The following C14orf132 variants were observed in gnomAD, a reference collection of about 807,000 sequenced individuals.
C14orf132 encodes uncharacterized protein C14orf132.
A neutral mutation model predicts 5.8 loss-of-function variants in C14orf132; 6 were observed. That is an observed-to-expected ratio of 1.03 (90% CI 0.57 to 2.04). The LOEUF is 2.04. C14orf132 is among the 30% of genes most tolerant of loss of function. C14orf132 has a pLI of 0.00. For synonymous variants in C14orf132, 51 were observed against 49.8 expected, an observed-to-expected ratio of 1.02 and a Z score of -0.10; for missense variants, 125 against 115.8, an observed-to-expected ratio of 1.08 and a Z score of -0.37.
chr14:96,064,361 T>TACACACACACAC (rs755164695), intron 1 of C14orf132, among the ~76,000 whole-genome samples: 3,261 of 97,542 alleles, frequency 0.033, 49 homozygotes, highest in Non-Finnish European at 0.043. Flanking sequence ...AGGGTGCATA[T>TACACACACACAC]ATACACACAC....
In C14orf132 at chr14:96,091,348, G is replaced by T. The variant is rs1342678236; in HGVS notation, c.*4613G>T. 1 of 296,904 alleles carries T rather than the reference G, an allele frequency of 3.4e-6. No homozygotes were observed. The highest frequency in any genetic ancestry group is 2.2e-5 in the African/African-American group (1 of 45,814). The allele number at this position is 296,904 out of a possible 1,614,324, so 18.4% of individuals were successfully genotyped here. On this transcript the variant is annotated 3_prime_UTR_variant, in exon 2 of 2. Coordinates refer to ENST00000555004, the MANE Select transcript of C14orf132 (RefSeq NM_001252507.3). ...GATTTATCAGTTCCAGAACCTCACA[G>T]TGATAAGAGGCTTTAGAGAGCATCT...
rs1363744879 is a variant in C14orf132, at chr14:96,090,016, A to G, written c.*3281A>G. On this transcript the variant is annotated 3_prime_UTR_variant, in exon 2 of 2. Transcript: ENST00000555004. Reference sequence around the variant, plus strand: ...TGCCTGTTACATAGCTGTGCCTCAGAGAAAGGGTCCTGCATTTTCTGGAAT... The same window carrying G: ...TGCCTGTTACATAGCTGTGCCTCAGGGAAAGGGTCCTGCATTTTCTGGAAT... The G allele has an allele frequency of 6.5e-6, 1 of 152,680 alleles. No homozygotes were observed. The highest frequency in any genetic ancestry group is 1.5e-5 in the Non-Finnish European group (1 of 68,502). The allele number at this position is 152,680 out of a possible 1,614,324, so 9.5% of individuals were successfully genotyped here. A position where few individuals can be genotyped will look rare whatever the true frequency, so the allele number is the denominator to read the frequency against.
rs1331700908 is a variant in C14orf132, at chr14:96,039,552, C to T, written c.27+25C>T. On this transcript the variant is annotated intron_variant, in intron 1 of 1. Coordinates refer to ENST00000555004, the MANE Select transcript of C14orf132 (RefSeq NM_001252507.3). The surrounding 1 kb of genome is among the most constrained non-coding windows in gnomAD (Gnocchi z 5.3). ...GGTAACGGGGCGTCCCCCCCACGCG[C>T]CCCGGGCCGCCAAGTTTGGGGAGGT... 6.0e-6 allele frequency: 9 copies of T among 1,496,572 alleles called. No individual in the cohort carries two copies. The East Asian group carries it at 2.4e-4, about 41-fold the overall frequency. 92.7% of individuals were successfully genotyped at this position (1,496,572 alleles called of 1,614,324 possible). A position where few individuals can be genotyped will look rare whatever the true frequency, so the allele number is the denominator to read the frequency against.
chr14:96,049,553 CATATATACGT>C (rs1241928050), intron 1 of C14orf132, among the ~76,000 whole-genome samples: 1 of 126,372 alleles, frequency 7.9e-6, no homozygotes, highest in Admixed American at 8.0e-5. Flanking sequence ...TATATATATA[CATATATACGT>C]ATATATACAT....
At chr14:96,053,694 A>G (rs540750230) in intron 1 of C14orf132, among the ~76,000 whole-genome samples, 34 of 152,282 alleles carry the variant, frequency 2.2e-4, no homozygotes, top group African/African-American at 6.7e-4. Flanking sequence ...TCAGTCTCCA[A>G]TGGCCACCTG....
chr14:96,065,740 C>G (rs1248720322), intron 1 of C14orf132, among the ~76,000 whole-genome samples: 1 of 152,066 alleles, frequency 6.6e-6, no homozygotes, highest in Non-Finnish European at 1.5e-5. Flanking sequence ...CATTCCCCAC[C>G]CATCCTCCTA....
chr14:96,060,166 C>T (rs1227132289), intron 1 of C14orf132, among the ~76,000 whole-genome samples: 1 of 152,212 alleles, frequency 6.6e-6, no homozygotes, highest in African/African-American at 2.4e-5. Flanking sequence ...CTTCTCCCTC[C>T]CTATCGGCTA....
chr14:96,085,235 A>G (rs964287335), intron 1 of C14orf132, among the ~76,000 whole-genome samples: 11 of 152,344 alleles, frequency 7.2e-5, no homozygotes, highest in African/African-American at 2.6e-4. Context: ...CTCCACACAG[A>G]ATACTGTCTC....
At chr14:96,077,397 G>T (rs542839333) in intron 1 of C14orf132, among the ~76,000 whole-genome samples, 6 of 152,232 alleles carry the variant, frequency 3.9e-5, no homozygotes, top group South Asian at 2.1e-4. Context: ...TGGAGATAGG[G>T]TCTTTAAAGG....
At chr14:96,067,490 G>A (rs1017743138) in intron 1 of C14orf132, among the ~76,000 whole-genome samples, 16 of 151,978 alleles carry the variant, frequency 1.1e-4, no homozygotes, top group African/African-American at 3.9e-4. Flanking sequence ...ACCTCAGGTC[G>A]GGAGTTTGAG....
Position 96,092,241 on chromosome 14 carries a change from G to A in C14orf132, c.*5506G>A, listed in dbSNP as rs1871665249. 2 of 152,234 alleles carry A rather than the reference G, an allele frequency of 1.3e-5. No homozygotes were observed. Among genetic ancestry groups the A allele is most frequent in the Non-Finnish European group, 2.9e-5 (2 of 68,058 alleles). The allele number at this position is 152,234 out of a possible 1,614,324, so 9.4% of individuals were successfully genotyped here. A position where few individuals can be genotyped will look rare whatever the true frequency, so the allele number is the denominator to read the frequency against. Reference sequence around the variant, plus strand: ...GTGGTGCGGTCCCCGGGGGATTCTGGATGCTGGTCTTTTGACCGTGGCGGC... The same window carrying A: ...GTGGTGCGGTCCCCGGGGGATTCTGAATGCTGGTCTTTTGACCGTGGCGGC... On this transcript the variant is annotated 3_prime_UTR_variant, in exon 2 of 2. Transcript: ENST00000555004.
At chr14:96,083,967 G>T (rs1192926623) in intron 1 of C14orf132, among the ~76,000 whole-genome samples, 1 of 152,200 alleles carries the variant, frequency 6.6e-6, no homozygotes, top group Non-Finnish European at 1.5e-5. Flanking sequence ...AGAAGCAGGT[G>T]CTCAAGGGCC....
intron 1 of C14orf132, among the ~76,000 whole-genome samples, chr14:96,072,703 C>T (rs760371325): frequency 1.3e-5 from 2 of 152,210 alleles, no homozygotes; most frequent in African/African-American, 2.4e-5. Context: ...TTGTCCACCC[C>T]ATTGTTTTTT....
At chr14:96,075,096 G>T (rs899676917) in intron 1 of C14orf132, among the ~76,000 whole-genome samples, 1 of 152,148 alleles carries the variant, frequency 6.6e-6, no homozygotes, top group African/African-American at 2.4e-5. Context: ...TATTTCATCA[G>T]TATGTTGTTT....
intron 1 of C14orf132, among the ~76,000 whole-genome samples, chr14:96,064,963 C>T: frequency 6.6e-6 from 1 of 152,342 alleles, no homozygotes; most frequent in East Asian, 1.9e-4. Context: ...GGATTGTGCA[C>T]ACACATGGTG....
intron 1 of C14orf132, among the ~76,000 whole-genome samples, chr14:96,072,500 AC>A: frequency 6.6e-6 from 1 of 152,332 alleles, no homozygotes; most frequent in African/African-American, 2.4e-5. Context: ...CTTTTGATTT[AC>A]TTGCTAATAT....
chr14:96,080,890 G>T (rs987571519), intron 1 of C14orf132, among the ~76,000 whole-genome samples: 6 of 152,198 alleles, frequency 3.9e-5, no homozygotes, highest in African/African-American at 1.4e-4. Flanking sequence ...GGCCACAACT[G>T]ATTATAACCA....
intron 1 of C14orf132, among the ~76,000 whole-genome samples, chr14:96,073,875 A>G (rs1180175445): frequency 6.6e-6 from 1 of 152,240 alleles, no homozygotes; most frequent in Non-Finnish European, 1.5e-5. Context: ...GAATGAGATC[A>G]TGTCCTTTGC....
At chr14:96,062,967 G>T (rs555793590) in intron 1 of C14orf132, among the ~76,000 whole-genome samples, 1 of 152,218 alleles carries the variant, frequency 6.6e-6, no homozygotes, top group African/African-American at 2.4e-5. Context: ...AAACACTGAG[G>T]ATCAAAGACA....
Sources: allele counts gnomAD v4.1 joint callset (sites outside exome capture counted in the v4.1 genomes callset), GRCh38; gene constraint gnomAD v4.1.1; non-coding constraint Gnocchi (gnomAD v3.1); transcripts MANE v1.5; gene names NCBI Gene and HGNC (gene_info 2026-07-23, HGNC 2026-07-21).